ESCO1: variants seen among roughly 807,000 people sequenced by gnomAD.
ESCO1 encodes establishment of sister chromatid cohesion N-acetyltransferase 1.
In ESCO1, 33 loss-of-function variants were observed where a neutral mutation model predicts 83.5. That is an observed-to-expected ratio of 0.40 (90% CI 0.30 to 0.53). ESCO1 has a LOEUF of 0.53. Among genes scored for constraint, ESCO1 ranks in the 20% least tolerant of loss-of-function variants. The probability of loss-of-function intolerance (pLI) is 0.63; values close to 1 mark genes in which losing one functional copy is unlikely to be tolerated. For synonymous variants in ESCO1, 332 were observed against 324.3 expected (o/e 1.02, Z -0.25); for missense variants, 855 against 968.0 (o/e 0.88, Z 1.55).
At chr18:21,563,029 G>A (rs1303095837) in intron 7 of ESCO1, among the ~76,000 whole-genome samples, 1 of 151,430 alleles carries the variant, frequency 6.6e-6, no homozygotes, top group Non-Finnish European at 1.5e-5. Flanking sequence ...GAATCACCAC[G>A]CCCAGCTAAT....
Position 21,574,764 on chromosome 18 carries a change from T to C in ESCO1, c.80A>G (p.Glu27Gly), listed in dbSNP as rs2038397015. 6.2e-7 allele frequency: 1 copy of C among 1,607,310 alleles called. No individual in the cohort carries two copies. Among genetic ancestry groups the C allele is most frequent in the African/African-American group, 1.3e-5 (1 of 74,918 alleles). The change falls in exon 4 of 12, where the codon GAA (glutamate) becomes GGA (glycine). Residue 27 changes from glutamate to glycine, a missense_variant. This residue lies in a region of ESCO1 where 726 missense variants were observed against 699.5 expected (regional missense o/e 1.04). Transcript: ENST00000269214. ...KKSDDKNSET[E>G]IQDSQKNLAK... is the part of the protein sequence containing the mutation. Reference sequence around the variant, plus strand: ...TAGATTCTTTTGAGAATCCTGAATTTCTGTTTCTGAATTCTTATCGTCACT... The same window carrying C: ...TAGATTCTTTTGAGAATCCTGAATTCCTGTTTCTGAATTCTTATCGTCACT...
At chr18:21,564,074 A>C (rs1398665341) in intron 7 of ESCO1, 129 bp downstream of exon 7, 43 of 649,390 alleles carry the variant, frequency 6.6e-5, no homozygotes. Context: ...GTCAGGCCAT[A>C]GAACCACAAG....
intron 2 of ESCO1, among the ~76,000 whole-genome samples, chr18:21,579,281 A>G (rs1241334202): frequency 6.6e-6 from 1 of 151,902 alleles, no homozygotes; most frequent in Non-Finnish European, 1.5e-5. Context: ...GGCATGAGCC[A>G]CTGCACCTGG....
intron 2 of ESCO1, among the ~76,000 whole-genome samples, chr18:21,582,236 T>C (rs935681677): frequency 6.6e-6 from 1 of 152,040 alleles, no homozygotes; most frequent in Non-Finnish European, 1.5e-5. Context: ...GGAAATCTTT[T>C]TTTTTTTTTT....
chr18:21,582,793 A>C (rs1342703229), intron 2 of ESCO1, among the ~76,000 whole-genome samples: 1 of 152,178 alleles, frequency 6.6e-6, no homozygotes, highest in Non-Finnish European at 1.5e-5. Context: ...TTAACAATAC[A>C]CTCTTGGTAA....
intron 10 of ESCO1, among the ~76,000 whole-genome samples, chr18:21,535,616 T>C (rs1045013455): frequency 7.9e-5 from 12 of 152,132 alleles, no homozygotes; most frequent in Non-Finnish European, 1.3e-4. Flanking sequence ...ACTCCTGACC[T>C]TGTGATCCTC....
chr18:21,583,064 C>A (rs2038524980), intron 2 of ESCO1, among the ~76,000 whole-genome samples: 1 of 152,054 alleles, frequency 6.6e-6, no homozygotes. Flanking sequence ...CACCTGTAAT[C>A]CCAGCTACTC....
At chr18:21,594,164 G>A (rs2038726780) in intron 1 of ESCO1, among the ~76,000 whole-genome samples, 1 of 152,132 alleles carries the variant, frequency 6.6e-6, no homozygotes, top group South Asian at 2.1e-4. Context: ...ATCACCCTGG[G>A]TTGAGACCTA....
chr18:21,580,822 C>A (rs2038491950), intron 2 of ESCO1, among the ~76,000 whole-genome samples: 1 of 151,960 alleles, frequency 6.6e-6, no homozygotes, highest in Non-Finnish European at 1.5e-5. Context: ...GAACCCCCGT[C>A]TCTACTAAAA....
chr18:21,595,246 G>A (rs1320165402), intron 1 of ESCO1, among the ~76,000 whole-genome samples: 3 of 150,642 alleles, frequency 2.0e-5, no homozygotes, highest in East Asian at 2.0e-4. Context: ...TCTAAGTGGC[G>A]TATATCTTCT....
chr18:21,538,250 A>C (rs1360533784), intron 9 of ESCO1, among the ~76,000 whole-genome samples: 1 of 151,030 alleles, frequency 6.6e-6, no homozygotes, highest in African/African-American at 2.4e-5. Context: ...CCAGGAGTTC[A>C]AGACAAGCCT....
At chr18:21,561,441 G>A (rs546853872) in intron 7 of ESCO1, among the ~76,000 whole-genome samples, 2 of 152,016 alleles carry the variant, frequency 1.3e-5, no homozygotes, top group Admixed American at 6.6e-5. Context: ...GTTTGTTTTT[G>A]TTTTGAGACA....
At chr18:21,551,331 G>A (rs1246383489) in intron 8 of ESCO1, among the ~76,000 whole-genome samples, 3 of 151,694 alleles carry the variant, frequency 2.0e-5, no homozygotes, top group Admixed American at 6.6e-5. Flanking sequence ...TTAGCCAGGC[G>A]TAGTGGCGGC....
rs114932801 is a variant in ESCO1 at position 21,541,290 on chromosome 18, G to A, written c.1954-1281C>T. 2.2e-3 allele frequency among the ~76,000 whole-genome samples: 329 copies of A among 152,102 alleles called. 1 individual carries two copies. The highest frequency in any genetic ancestry group is 7.8e-3 in the African/African-American group (324 of 41,506). ...GAAACTAAATCTGTAGTTCTTCAACGTAAATAAGGTTTTAAAAAAGAAACT... is the reference window on the plus strand; with the variant it reads ...GAAACTAAATCTGTAGTTCTTCAACATAAATAAGGTTTTAAAAAAGAAACT... On this transcript the variant is annotated intron_variant, in intron 8 of 11. Coordinates refer to ENST00000269214, the MANE Select transcript of ESCO1 (RefSeq NM_052911.3).
intron 1 of ESCO1, among the ~76,000 whole-genome samples, chr18:21,592,884 G>A (rs564079988): frequency 1.3e-5 from 2 of 151,848 alleles, no homozygotes; most frequent in South Asian, 4.2e-4. Context: ...TGGGGCGGCT[G>A]GGCAGAGACG....
chr18:21,562,479 A>G lies in ESCO1; in HGVS notation c.1822-1489T>C, dbSNP rs1019979316. 3.7e-4 allele frequency among the ~76,000 whole-genome samples: 56 copies of G among 152,156 alleles called. 1 individual carries two copies. In the East Asian group the frequency reaches 0.011, roughly 29 times the overall value. On this transcript the variant is annotated intron_variant, in intron 7 of 11. Coordinates refer to ENST00000269214, the MANE Select transcript of ESCO1 (RefSeq NM_052911.3). ...TGACTCCGTCTTACAAAAAAAAAAA[A>G]AAAATTAACAATTAGCTGTGTGTGG...
chr18:21,588,833 G>GT (rs2038619481), intron 1 of ESCO1, among the ~76,000 whole-genome samples: 1 of 152,124 alleles, frequency 6.6e-6, no homozygotes, highest in Non-Finnish European at 1.5e-5. Context: ...GGAGACTGCA[G>GT]TGAGCCTTGA....
intron 10 of ESCO1, among the ~76,000 whole-genome samples, chr18:21,533,997 C>A (rs1231597491): frequency 6.6e-6 from 1 of 152,098 alleles, no homozygotes; most frequent in Non-Finnish European, 1.5e-5. Flanking sequence ...CACCCTACAA[C>A]CTCAAACTCC....
intron 1 of ESCO1, among the ~76,000 whole-genome samples, chr18:21,600,219 CTA>C (rs2038823555): frequency 6.6e-6 from 1 of 152,248 alleles, no homozygotes. Context: ...GGGCCCGGAG[CTA>C]CCTGCGGGAC....
Sources: allele counts gnomAD v4.1 joint callset (sites outside exome capture counted in the v4.1 genomes callset), GRCh38; gene constraint gnomAD v4.1.1; regional missense constraint gnomAD v4.1.1; transcripts MANE v1.5; gene names NCBI Gene and HGNC (gene_info 2026-07-23, HGNC 2026-07-21).